COL19A1: variants seen among roughly 807,000 people sequenced by gnomAD.
COL19A1 encodes the protein collagen alpha-1(XIX) chain.
In COL19A1, 159 loss-of-function variants were observed where a neutral mutation model predicts 190.2. The observed-to-expected ratio is 0.84, with a 90% CI of 0.73 to 0.95. COL19A1 has a LOEUF of 0.95. Among genes scored for constraint, COL19A1 ranks in the 40% least tolerant of loss-of-function variants. The pLI is 0.00. For synonymous variants in COL19A1, 509 were observed against 458.9 expected (o/e 1.11, Z -1.39); for missense variants, 1,418 against 1,431.9 (o/e 0.99, Z 0.16).
chr6:69,879,077 CAG>C (rs1768326510), intron 1 of COL19A1, among the ~76,000 whole-genome samples: 1 of 152,012 alleles, frequency 6.6e-6, no homozygotes, highest in African/African-American at 2.4e-5. Context: ...TTAATGAGCA[CAG>C]AGTTTCAGTT....
Position 70,124,555 on chromosome 6 carries a change from C to CAA in COL19A1, c.1341+2628_1341+2629dup, listed in dbSNP as rs59538478. On this transcript the variant is annotated intron_variant, in intron 17 of 50. Coordinates refer to ENST00000620364, the MANE Select transcript of COL19A1 (RefSeq NM_001858.6). The stretch of plus-strand genomic sequence containing the variant: ...ATTTTTAAACTTTAAGGTTATATTT[C>CAA]AAAAAAAAAAAAAAAATGGGCACTG... Among the ~76,000 whole-genome samples, 7 of 118,558 alleles carry CAA rather than the reference C, an allele frequency of 5.9e-5. No individual in the cohort carries two copies. The East Asian group carries it at 7.2e-4, about 12-fold the overall frequency. The allele number at this position is 118,558 out of a possible 152,430, so 77.8% of individuals were successfully genotyped here.
chr6:69,906,380 C>G (rs372302135), intron 4 of COL19A1, among the ~76,000 whole-genome samples: 5 of 152,184 alleles, frequency 3.3e-5, no homozygotes, highest in African/African-American at 9.6e-5. Context: ...CTCTTGATAG[C>G]TACTGGCTGT....
intron 15 of COL19A1, among the ~76,000 whole-genome samples, chr6:70,095,503 G>A (rs1052767343): frequency 6.6e-6 from 1 of 152,070 alleles, no homozygotes; most frequent in Non-Finnish European, 1.5e-5. Context: ...GGACATTTTG[G>A]TAAAAATAGT....
At chr6:70,064,234 TA>T (rs1781033503) in intron 14 of COL19A1, among the ~76,000 whole-genome samples, 1 of 152,092 alleles carries the variant, frequency 6.6e-6, no homozygotes, top group Non-Finnish European at 1.5e-5. Flanking sequence ...CTCAATAAAG[TA>T]CTGGAAAACC....
At chr6:70,024,566 G>A (rs571267104) in intron 12 of COL19A1, among the ~76,000 whole-genome samples, 9 of 149,590 alleles carry the variant, frequency 6.0e-5, no homozygotes, top group South Asian at 2.2e-4. Context: ...CAATCTTTCC[G>A]GCCTGTGGAG....
At chr6:70,008,203 G>T (rs948534959) in intron 11 of COL19A1, among the ~76,000 whole-genome samples, 4 of 151,488 alleles carry the variant, frequency 2.6e-5, no homozygotes, top group African/African-American at 7.3e-5. Context: ...AAATAAAAAT[G>T]GGAAAAAAAT....
intron 11 of COL19A1, among the ~76,000 whole-genome samples, chr6:69,969,726 G>A (rs929854043): frequency 6.6e-6 from 1 of 152,114 alleles, no homozygotes. Flanking sequence ...GAGCATCCAT[G>A]GACTTTGTTA....
At chr6:70,064,575 A>G (rs1018555329) in intron 14 of COL19A1, among the ~76,000 whole-genome samples, 2 of 151,958 alleles carry the variant, frequency 1.3e-5, no homozygotes, top group Non-Finnish European at 2.9e-5. Flanking sequence ...CTCCTTCACC[A>G]CTCCTATTCA....
chr6:70,095,086 G>C (rs1200127750), intron 15 of COL19A1, among the ~76,000 whole-genome samples: 2 of 152,038 alleles, frequency 1.3e-5, no homozygotes, highest in African/African-American at 4.8e-5. Flanking sequence ...ACTCTCACAT[G>C]GGTAACCCGT....
chr6:69,999,882 A>T (rs78169463), intron 11 of COL19A1, among the ~76,000 whole-genome samples: 8,698 of 152,110 alleles, frequency 0.057, 833 homozygotes, highest in African/African-American at 0.19. Context: ...TAATTTTAAA[A>T]TTTATTTTTA....
chr6:70,004,717 C>T (rs1777506087), intron 11 of COL19A1, among the ~76,000 whole-genome samples: 1 of 152,170 alleles, frequency 6.6e-6, no homozygotes, highest in African/African-American at 2.4e-5. Flanking sequence ...TCAGCTCCAT[C>T]AGGTAATTTA....
chr6:69,916,138 G>A (rs571288572), intron 4 of COL19A1, among the ~76,000 whole-genome samples: 5 of 151,900 alleles, frequency 3.3e-5, no homozygotes, highest in Admixed American at 6.6e-5. Context: ...GGGTTTCACC[G>A]TGTTAGCCAG....
chr6:70,108,092 G>T (rs191326765), intron 16 of COL19A1, among the ~76,000 whole-genome samples: 1 of 152,278 alleles, frequency 6.6e-6, no homozygotes, highest in Non-Finnish European at 1.5e-5. Context: ...GAGGAAAGCA[G>T]CTGGAAATGA....
intron 1 of COL19A1, among the ~76,000 whole-genome samples, chr6:69,870,904 C>CAG (rs1767785310): frequency 6.6e-6 from 1 of 152,066 alleles, no homozygotes; most frequent in Non-Finnish European, 1.5e-5. Flanking sequence ...TAGACTTTGA[C>CAG]AGAGATTTGA....
intron 12 of COL19A1, 119 bp downstream of exon 12, chr6:70,023,799 T>A: frequency 1.2e-6 from 1 of 819,202 alleles, no homozygotes; most frequent in Non-Finnish European, 1.9e-6. Flanking sequence ...CCAACAAAAT[T>A]AAGAATCATG....
In COL19A1 at chr6:70,165,948, A is replaced by G. The variant is rs1228484360; in HGVS notation, c.2408A>G (p.Asp803Gly). Residue 803 changes from aspartate to glycine, a missense_variant, in exon 37 of 51, where the codon GAC (aspartate) becomes GGC (glycine). Physicochemically the swap from Asp to Gly is moderately conservative, Grantham distance 94. Transcript: ENST00000620364. Reference protein sequence around the residue: ...PTGAKGEKGSDGPPGKPGPPG... With the variant: ...PTGAKGEKGSGGPPGKPGPPG... ...TCTATATATCCCTTGCAGGGCAGCGACGGACCCCCTGGGAAACCCGGACCA... is the reference window on the plus strand; with the variant it reads ...TCTATATATCCCTTGCAGGGCAGCGGCGGACCCCCTGGGAAACCCGGACCA... 1.9e-6 allele frequency: 3 copies of G among 1,614,012 alleles called. No homozygotes were observed. The highest frequency in any genetic ancestry group is 2.5e-6 in the Non-Finnish European group (3 of 1,179,900).
At chr6:70,133,637 G>A (rs992125184) in intron 18 of COL19A1, among the ~76,000 whole-genome samples, 1 of 152,178 alleles carries the variant, frequency 6.6e-6, no homozygotes, top group African/African-American at 2.4e-5. Context: ...AGACTGTCAG[G>A]GAAAAGGTGG....
At chr6:70,004,834 C>CT (rs560885333) in intron 11 of COL19A1, among the ~76,000 whole-genome samples, 17,163 of 142,332 alleles carry the variant, frequency 0.12, 3,051 homozygotes, top group African/African-American at 0.39. Flanking sequence ...GCTCAGCGTA[C>CT]TTTTTTTTTT....
At chr6:70,150,297 A>G (rs182141510) in intron 30 of COL19A1, among the ~76,000 whole-genome samples, 1 of 152,204 alleles carries the variant, frequency 6.6e-6, no homozygotes, top group Non-Finnish European at 1.5e-5. Flanking sequence ...GCCTTGGCAT[A>G]TAATGTCTCA....
Sources: gnomAD v4.1 joint callset for allele counts (sites outside exome capture counted in the v4.1 genomes callset) on GRCh38, gnomAD v4.1.1 for gene constraint, MANE v1.5 for transcripts, NCBI Gene and HGNC (gene_info 2026-07-23, HGNC 2026-07-21) for gene names.